The following SEZ6 variants were observed in gnomAD, a reference collection of about 807,000 sequenced individuals.
SEZ6 encodes the protein seizure protein 6 homolog.
In SEZ6, 53 loss-of-function variants were observed where a neutral mutation model predicts 101.0. The observed-to-expected ratio is 0.52, with a 90% confidence interval of 0.42 to 0.66. SEZ6 has a LOEUF of 0.66. Among genes scored for constraint, SEZ6 ranks in the 30% least tolerant of loss-of-function variants. The probability of loss-of-function intolerance (pLI) is 0.00; values close to 1 mark genes in which losing one functional copy is unlikely to be tolerated. For missense variants in SEZ6, 1,102 were observed against 1,289.4 expected, an observed-to-expected ratio of 0.85 and a Z score of 2.23; for synonymous variants, 488 against 512.2, an observed-to-expected ratio of 0.95 and a Z score of 0.64.
chr17:28,956,583 G>T (rs1598175452), intron 14 of SEZ6, 116 bp from the exon 15 acceptor site: 2 of 1,479,696 alleles, frequency 1.4e-6, no homozygotes, highest in East Asian at 4.9e-5. Flanking sequence ...CTGGGTGTAG[G>T]GAAGGAGCTT....
In SEZ6 at chr17:28,981,793, G is replaced by T. The variant is rs267604785; in HGVS notation, c.302C>A (p.Pro101His). 6.2e-7 allele frequency: 1 copy of T among 1,613,668 alleles called. No individual in the cohort carries two copies. The highest frequency in any genetic ancestry group is 8.5e-7 in the Non-Finnish European group (1 of 1,179,664). Reference protein sequence around the residue: ...ALPFQPDPPAPFTPSPLPRLA... With the variant: ...ALPFQPDPPAHFTPSPLPRLA... ...GCGGGGAAGGGGACTTGGGGTGAAGGGTGCAGGTGGGTCAGGCTGGAAGGG... is the reference window on the plus strand; with the variant it reads ...GCGGGGAAGGGGACTTGGGGTGAAGTGTGCAGGTGGGTCAGGCTGGAAGGG... Residue 101 changes from proline to histidine, a missense_variant, in exon 2 of 17, where the codon CCC becomes CAC. Physicochemically the swap from Pro to His is moderately conservative, Grantham distance 77 (BLOSUM62 -2). Around this residue, in one of 3 missense-constraint regions of SEZ6, gnomAD observed 406 missense variants for 418.6 expected, o/e 0.97. Transcript: ENST00000317338.
intron 5 of SEZ6, 32 bp from the exon 6 acceptor site, chr17:28,961,005 C>T (rs1386837324): frequency 3.8e-6 from 6 of 1,590,232 alleles, no homozygotes; most frequent in Non-Finnish European, 4.3e-6. Flanking sequence ...GTAGGCTAGG[C>T]CCCTGCCTGA....
intron 4 of SEZ6, among the ~76,000 whole-genome samples, chr17:28,966,495 AGATCCTGGCTT>A (rs2041070862): frequency 6.6e-6 from 1 of 152,148 alleles, no homozygotes; most frequent in Non-Finnish European, 1.5e-5. Context: ...AAAAAAGTGA[AGATCCTGGCTT>A]GCGTCTAAGA....
At chr17:28,983,346 G>A (rs1448612715) in intron 1 of SEZ6, among the ~76,000 whole-genome samples, 2 of 152,194 alleles carry the variant, frequency 1.3e-5, no homozygotes, top group Admixed American at 6.5e-5. Context: ...GTGTAGAATG[G>A]AAATCTAGCA....
chr17:28,973,770 A>G (rs1293984844), intron 3 of SEZ6, among the ~76,000 whole-genome samples: 1 of 152,202 alleles, frequency 6.6e-6, no homozygotes, highest in Non-Finnish European at 1.5e-5. Context: ...ATTTGCAGGC[A>G]TCTGTAGAGC....
At chr17:28,980,614 C>T (rs765050330) in intron 2 of SEZ6, among the ~76,000 whole-genome samples, 3 of 152,080 alleles carry the variant, frequency 2.0e-5, no homozygotes, top group Non-Finnish European at 4.4e-5. Flanking sequence ...TCGTTCCACA[C>T]GCCTCAGCCT....
chr17:28,957,090 C>G lies in SEZ6; in HGVS notation c.2647G>C (p.Gly883Arg). The change falls in exon 13 of 17, where the codon GGG becomes CGG. Residue 883 changes from glycine (G) to arginine (R), a missense_variant. Transcript: ENST00000317338. ...GGGTCACTCCAATGCGAGGGGTGCC[C>G]AGGCACACACTTGATGCTGGCCTGG... ...KGQASIKCVP[G>R]HPSHWSDPPP... The G allele has an allele frequency of 6.2e-7, 1 of 1,610,548 alleles. No individual in the cohort carries two copies. The highest frequency in any genetic ancestry group is 8.5e-7 in the Non-Finnish European group (1 of 1,177,310).
Position 28,959,752 on chromosome 17 carries a change from C to A in SEZ6, c.1717G>T (p.Glu573Ter). The A allele has an allele frequency of 6.2e-7, 1 of 1,612,196 alleles. No homozygotes were observed. Among genetic ancestry groups the A allele is most frequent in the Non-Finnish European group, 8.5e-7 (1 of 1,178,894 alleles). ...YTLEQGSIII[E>*]CVDPHDPQWN... ...TGGGGGTCGTGGGGGTCAACACACT[C>A]GATGATGATGGAGCCCTGCTCCAGG... is the stretch of plus-strand genomic sequence containing the variant. The change falls in exon 8 of 17, where the codon GAG (glutamate) becomes TAG (stop). Residue 573 changes from glutamate (E) to a stop codon, truncating the protein, a stop_gained. Coordinates refer to ENST00000317338, the MANE Select transcript of SEZ6 (RefSeq NM_178860.5). LOFTEE classifies it high-confidence loss of function. The surrounding 1 kb of genome is among the most constrained non-coding windows in gnomAD (Gnocchi z 4.4).
chr17:28,966,973 G>A (rs2041080003), intron 4 of SEZ6, among the ~76,000 whole-genome samples: 1 of 152,174 alleles, frequency 6.6e-6, no homozygotes, highest in Non-Finnish European at 1.5e-5. Context: ...GGTGGGCTGT[G>A]GGTCAGACTG....
chr17:28,986,003 C>T (rs1222951292), intron 1 of SEZ6, among the ~76,000 whole-genome samples: 1 of 152,194 alleles, frequency 6.6e-6, no homozygotes, highest in Non-Finnish European at 1.5e-5. Flanking sequence ...GGAAACACCC[C>T]TCCCTTCCCC....
chr17:28,984,512 G>T (rs1422902800), intron 1 of SEZ6, among the ~76,000 whole-genome samples: 1 of 152,190 alleles, frequency 6.6e-6, no homozygotes, highest in Non-Finnish European at 1.5e-5. Flanking sequence ...TCCAGGGCAG[G>T]CACAGCTCTT....
rs1197168257 is a variant in SEZ6 at position 28,955,870 on chromosome 17, G to A, written c.*92C>T. On this transcript the variant is annotated 3_prime_UTR_variant, in exon 17 of 17. Transcript: ENST00000317338. ...CTCCTAGGTGGTATATACAGGAGGT[G>A]GAGGGACAGCAGGAAGCAAGGAGCC... 2 of 1,418,598 alleles carry A rather than the reference G, an allele frequency of 1.4e-6. No homozygotes were observed. Among genetic ancestry groups the A allele is most frequent in the Admixed American group, 1.9e-5 (1 of 51,494 alleles). 87.9% of individuals were successfully genotyped at this position (1,418,598 alleles called of 1,614,324 possible).
chr17:28,994,680 A>G (rs558305651), intron 1 of SEZ6, among the ~76,000 whole-genome samples: 1 of 151,936 alleles, frequency 6.6e-6, no homozygotes, highest in Admixed American at 6.6e-5. Flanking sequence ...AAGTGCTGGG[A>G]TTACAGGCGT....
intron 2 of SEZ6, 67 bp from the exon 3 acceptor site, chr17:28,979,880 C>CGTGTG: frequency 1.2e-6 from 1 of 856,692 alleles, no homozygotes; most frequent in South Asian, 2.4e-5. Flanking sequence ...AAGGCTGAAC[C>CGTGTG]GTGTGTGTGT....
chr17:28,958,967 C>T, intron 10 of SEZ6, 58 bp downstream of exon 10: 1 of 1,545,942 alleles, frequency 6.5e-7, no homozygotes, highest in Non-Finnish European at 8.8e-7. Context: ...CTGCCCTAGC[C>T]TCTTTGGCTT....
rs1202426455 is a variant in SEZ6 at position 28,981,411 on chromosome 17, G to GGTGGTA, written c.678_683dup (p.Thr228_Thr229dup). 2 of 1,554,428 alleles carry GGTGGTA rather than the reference G, an allele frequency of 1.3e-6. No homozygotes were observed. Among genetic ancestry groups the GGTGGTA allele is most frequent in the Non-Finnish European group, 1.7e-6 (2 of 1,148,482 alleles). On this transcript the variant is annotated inframe_insertion, in exon 2 of 17. Coordinates refer to ENST00000317338, the MANE Select transcript of SEZ6 (RefSeq NM_178860.5). ...TGGTGATGGTGGTGGTGATGATGGT[G>GGTGGTA]GTGGTAGTGGTGGTCTCCTCATCAT...
At position 29,005,195 on chromosome 17, in the gene SEZ6, G is replaced by A. The variant is rs1275531681; in HGVS notation, c.55+620C>T. Among the ~76,000 whole-genome samples, 2 of 152,238 alleles carry A rather than the reference G, an allele frequency of 1.3e-5. No individual in the cohort carries two copies. Among genetic ancestry groups the A allele is most frequent in the East Asian group, 3.9e-4 (2 of 5,164 alleles). On this transcript the variant is annotated intron_variant, in intron 1 of 16. Coordinates refer to ENST00000317338, the MANE Select transcript of SEZ6 (RefSeq NM_178860.5). The surrounding 1 kb of genome is among the most constrained non-coding windows in gnomAD (Gnocchi z 4.8). Reference sequence around the variant, plus strand: ...GCTGCAGCCGAGGGCAGAGCCAGGAGCCAGATAGGGGGTCCAGGCCCTTGG... The same window carrying A: ...GCTGCAGCCGAGGGCAGAGCCAGGAACCAGATAGGGGGTCCAGGCCCTTGG...
At chr17:28,986,794 C>G (rs2041390888) in intron 1 of SEZ6, among the ~76,000 whole-genome samples, 1 of 152,256 alleles carries the variant, frequency 6.6e-6, no homozygotes, top group Admixed American at 6.5e-5. Flanking sequence ...AAGCCTCTGT[C>G]TGCTCATCTG....
chr17:28,960,785 C>T lies in SEZ6; in HGVS notation c.1409+20G>A, dbSNP rs745986108. On this transcript the variant is annotated intron_variant, in intron 6 of 16. Transcript: ENST00000317338. ...TATTACCAGGCCAGGCACTCCCATT[C>T]CACTAGGACAGCCCCTCACCTGTCA... is the stretch of plus-strand genomic sequence containing the variant. 6.2e-6 allele frequency: 10 copies of T among 1,613,328 alleles called. No homozygotes were observed. In the Middle Eastern group the frequency reaches 9.9e-4, roughly 159 times the overall value.
Sources: allele counts gnomAD v4.1 joint callset (sites outside exome capture counted in the v4.1 genomes callset), GRCh38; gene constraint gnomAD v4.1.1; regional missense constraint gnomAD v4.1.1; non-coding constraint Gnocchi (gnomAD v3.1); transcripts MANE v1.5; gene names NCBI Gene and HGNC (gene_info 2026-07-23, HGNC 2026-07-21).